CELF4: variants seen among roughly 807,000 people sequenced by gnomAD.
CELF4 encodes the protein CUG-BP- and ETR-3-like factor 4.
In CELF4, 18 loss-of-function variants were observed where a neutral mutation model predicts 59.9. That is an observed-to-expected ratio of 0.30 (90% CI 0.21 to 0.45). The LOEUF is 0.45. Among genes scored for constraint, CELF4 ranks in the 20% least tolerant of loss-of-function variants. CELF4 has a pLI of 1.00. For synonymous variants in CELF4, 261 were observed against 267.1 expected (o/e 0.98, Z 0.22); for missense variants, 456 against 689.0 (o/e 0.66, Z 3.79).
intron 8 of CELF4, among the ~76,000 whole-genome samples, chr18:37,269,924 A>G (rs2090304152): frequency 6.6e-6 from 1 of 152,158 alleles, no homozygotes; most frequent in Admixed American, 6.5e-5. Context: ...CAAACTGAGT[A>G]CTTACTGATA....
intron 2 of CELF4, among the ~76,000 whole-genome samples, chr18:37,397,055 G>T (rs1272568184): frequency 1.3e-5 from 2 of 152,148 alleles, no homozygotes; most frequent in Non-Finnish European, 2.9e-5. Flanking sequence ...CAGAGCCCAG[G>T]GGGGAGGTGA....
chr18:37,264,550 C>A, intron 10 of CELF4, 124 bp downstream of exon 10: 1 of 787,446 alleles, frequency 1.3e-6, no homozygotes, highest in Non-Finnish European at 2.1e-6. Context: ...CCCTTGCCCA[C>A]CTCAACACAG....
intron 3 of CELF4, among the ~76,000 whole-genome samples, chr18:37,310,572 TCC>T (rs2096608863): frequency 1.3e-5 from 2 of 152,240 alleles, no homozygotes; most frequent in South Asian, 2.1e-4. Flanking sequence ...CAGATCCTCC[TCC>T]CCTCTGAAGG....
At chr18:37,257,341 A>C (rs1290509295) in intron 11 of CELF4, among the ~76,000 whole-genome samples, 3 of 152,182 alleles carry the variant, frequency 2.0e-5, no homozygotes, top group African/African-American at 4.8e-5. Flanking sequence ...GATGCAACTG[A>C]TTTCCAGCTT....
At chr18:37,275,592 CA>C in intron 3 of CELF4, 1 of 279,010 alleles carries the variant, frequency 3.6e-6, no homozygotes, top group Non-Finnish European at 6.9e-6. Context: ...CACTAGAGCA[CA>C]CGGGCAGCCT....
intron 3 of CELF4, chr18:37,305,146 C>T (rs190852451): frequency 1.2e-3 from 185 of 152,282 alleles, no homozygotes; most frequent in African/African-American, 4.1e-3. Flanking sequence ...TTATAAAACT[C>T]GAGCCATTAA....
rs948672 is a variant in CELF4 at position 37,387,436 on chromosome 18, C to T, written c.370-65555G>A. On this transcript the variant is annotated intron_variant, in intron 2 of 12. Coordinates refer to ENST00000420428, the MANE Select transcript of CELF4 (RefSeq NM_020180.4). ...AGCCAACTGCTTCCTTGACCTCCAG[C>T]GCCCCTCTTCTCACGGGAGGCTGTT... is the stretch of plus-strand genomic sequence containing the variant. Among the ~76,000 whole-genome samples, 2,196 of 152,296 alleles carry T rather than the reference C, an allele frequency of 0.014. 170 individuals carry two copies. The East Asian group carries it at 0.24, about 16-fold the overall frequency.
At chr18:37,274,612 G>A in intron 5 of CELF4, 158 bp from the exon 6 acceptor site, 1 of 1,523,418 alleles carries the variant, frequency 6.6e-7, no homozygotes, top group Non-Finnish European at 8.8e-7. Context: ...ACCCCACCGC[G>A]GGCATTTTCC....
At chr18:37,339,278 A>T (rs965041229) in intron 2 of CELF4, among the ~76,000 whole-genome samples, 3 of 152,210 alleles carry the variant, frequency 2.0e-5, no homozygotes, top group Admixed American at 2.0e-4. Flanking sequence ...CTGCTTCTGT[A>T]TGGGGGAGGG....
intron 3 of CELF4, among the ~76,000 whole-genome samples, chr18:37,292,029 C>A (rs1258508308): frequency 1.9e-5 from 2 of 107,198 alleles, no homozygotes; most frequent in African/African-American, 9.7e-5. Context: ...GAGATTAGCA[C>A]CCTTATAAAA....
At chr18:37,498,926 C>T (rs1257593325) in intron 1 of CELF4, among the ~76,000 whole-genome samples, 1 of 152,152 alleles carries the variant, frequency 6.6e-6, no homozygotes, top group Non-Finnish European at 1.5e-5. Flanking sequence ...AGCAGAGCAC[C>T]TGGGATATAA....
intron 2 of CELF4, among the ~76,000 whole-genome samples, chr18:37,365,537 G>A (rs1206655584): frequency 7.0e-6 from 1 of 143,744 alleles, no homozygotes; most frequent in Admixed American, 7.4e-5. Context: ...CCAGGCTGGA[G>A]TGCAATCATG....
intron 1 of CELF4, among the ~76,000 whole-genome samples, chr18:37,552,679 C>T (rs924103061): frequency 3.3e-5 from 5 of 152,220 alleles, no homozygotes; most frequent in Admixed American, 3.3e-4. Flanking sequence ...AACCAAAGCC[C>T]TGGTGATGGC....
chr18:37,408,434 C>G (rs1041208171), intron 2 of CELF4, among the ~76,000 whole-genome samples: 7 of 148,300 alleles, frequency 4.7e-5, no homozygotes, highest in Non-Finnish European at 8.9e-5. Context: ...GCTACCCTGA[C>G]TACACACATG....
intron 2 of CELF4, among the ~76,000 whole-genome samples, chr18:37,333,450 C>G (rs947691274): frequency 2.0e-5 from 3 of 152,012 alleles, no homozygotes; most frequent in African/African-American, 4.8e-5. Flanking sequence ...ATTTCCATCA[C>G]TTTTGAGGAA....
At chr18:37,274,590 A>G (rs1323557842) in intron 5 of CELF4, 136 bp from the exon 6 acceptor site, 108 of 1,569,224 alleles carry the variant, frequency 6.9e-5, no homozygotes, top group Non-Finnish European at 8.8e-5. Flanking sequence ...CGCCCAGGGG[A>G]ATGAGGTGTG....
chr18:37,521,983 C>G (rs2099957983), intron 1 of CELF4, among the ~76,000 whole-genome samples: 2 of 152,254 alleles, frequency 1.3e-5, no homozygotes, highest in African/African-American at 4.8e-5. Context: ...GTTACCGTCA[C>G]TCAGCACCCG....
Position 37,253,871 on chromosome 18 carries a change from G to T in CELF4, c.1401C>A (p.Ile467=), listed in dbSNP as rs1420001251. 11 of 1,609,074 alleles carry T rather than the reference G, an allele frequency of 6.8e-6. No homozygotes were observed. The Admixed American group carries it at 8.4e-5, about 12-fold the overall frequency. The change falls in exon 12 of 13, where the codon ATC becomes ATA. Residue 467 remains isoleucine, a synonymous_variant. Coordinates refer to ENST00000420428, the MANE Select transcript of CELF4 (RefSeq NM_020180.4). This position sits in a 1 kb window ranked among gnomAD's most constrained non-coding sequence, Gnocchi z 4.5. ...TAIQAMNGFQ[I]GMKRLKVQLK... The stretch of plus-strand genomic sequence containing the variant: ...GCTGCACCTTGAGCCTCTTCATGCC[G>T]ATCTGGAAGCCGTTCATGGCCTGGA...
chr18:37,523,753 C>A (rs1237087025), intron 1 of CELF4, among the ~76,000 whole-genome samples: 1 of 152,242 alleles, frequency 6.6e-6, no homozygotes, highest in Non-Finnish European at 1.5e-5. Flanking sequence ...TGCCACCAGT[C>A]CCTTCTGGTC....
Sources: allele counts gnomAD v4.1 joint callset (sites outside exome capture counted in the v4.1 genomes callset), GRCh38; gene constraint gnomAD v4.1.1; non-coding constraint Gnocchi (gnomAD v3.1); transcripts MANE v1.5; gene names NCBI Gene and HGNC (gene_info 2026-07-23, HGNC 2026-07-21).